The following PROM1 variants were observed in gnomAD, a reference collection of about 807,000 sequenced individuals.
PROM1 encodes the protein prominin-1.
Under a neutral mutation model 116.9 loss-of-function variants are expected in PROM1, and 105 were observed. The ratio of observed to expected loss-of-function variants is 0.90; its 90% CI spans 0.77 to 1.06. The LOEUF is 1.06. Among genes scored for constraint, PROM1 ranks in the 50% least tolerant of loss-of-function variants. The pLI, the probability that PROM1 is intolerant of heterozygous loss-of-function variation, is 0.00. For synonymous variants in PROM1, 393 were observed against 387.0 expected, an observed-to-expected ratio of 1.02 and a Z score of -0.18; for missense variants, 1,122 against 1,045.2, an observed-to-expected ratio of 1.07 and a Z score of -1.01.
intron 17 of PROM1, among the ~76,000 whole-genome samples, 166 bp downstream of exon 17, chr4:15,992,082 A>G (rs960578005): frequency 1.3e-5 from 2 of 152,126 alleles, no homozygotes; most frequent in Admixed American, 6.5e-5. Flanking sequence ...CTACAGAAGT[A>G]GTTGTGCAGC....
At position 15,980,553 on chromosome 4, in the gene PROM1, C is replaced by G; in HGVS notation, c.2374-16G>C. 1 of 1,437,212 alleles carries G rather than the reference C, an allele frequency of 7.0e-7. No homozygotes were observed. The highest frequency in any genetic ancestry group is 1.3e-5 in the South Asian group (1 of 78,506). 89.0% of individuals were successfully genotyped at this position (1,437,212 alleles called of 1,614,324 possible). A position where few individuals can be genotyped will look rare whatever the true frequency, so the allele number is the denominator to read the frequency against. ...AAAACAAATTCTAGGAAAAAAAAATCAGAAGAATTAAATGTTTGAAGATAA... is the reference window on the plus strand; with the variant it reads ...AAAACAAATTCTAGGAAAAAAAAATGAGAAGAATTAAATGTTTGAAGATAA... On this transcript the variant is annotated splice_polypyrimidine_tract_variant and intron_variant, in intron 23 of 27. Transcript: ENST00000447510.
intron 2 of PROM1, among the ~76,000 whole-genome samples, chr4:16,049,642 T>C (rs1275060549): frequency 6.6e-6 from 1 of 151,988 alleles, no homozygotes; most frequent in Non-Finnish European, 1.5e-5. Flanking sequence ...TTTCAGCATG[T>C]AGTGTTTGTC....
chr4:16,013,452 C>T (rs1578024806), intron 10 of PROM1, 114 bp from the exon 11 acceptor site: 4 of 707,702 alleles, frequency 5.7e-6, no homozygotes, highest in South Asian at 3.4e-5. Flanking sequence ...ATATAACATT[C>T]ATCTTAAGGG....
chr4:16,006,453 G>A (rs554794295), intron 13 of PROM1, 85 bp downstream of exon 13: 56 of 1,435,292 alleles, frequency 3.9e-5, no homozygotes, highest in East Asian at 1.3e-4. Context: ...CCCAGAGGGC[G>A]CCGGGTTCAT....
At chr4:16,057,250 A>G (rs1343116582) in intron 2 of PROM1, among the ~76,000 whole-genome samples, 1 of 152,198 alleles carries the variant, frequency 6.6e-6, no homozygotes, top group African/African-American at 2.4e-5. Flanking sequence ...CTGCTGTCCA[A>G]ATCTCATTAG....
chr4:16,019,159 G>A (rs905646221), intron 8 of PROM1, among the ~76,000 whole-genome samples: 6 of 152,156 alleles, frequency 3.9e-5, no homozygotes, highest in African/African-American at 1.4e-4. Context: ...AGATGAAAAT[G>A]CCTCAAAGGC....
chr4:16,029,838 T>C (rs1732236301), intron 5 of PROM1, among the ~76,000 whole-genome samples: 1 of 152,210 alleles, frequency 6.6e-6, no homozygotes, highest in South Asian at 2.1e-4. Flanking sequence ...GCAAAGATTA[T>C]TTCTCAATAG....
In PROM1 at chr4:15,969,146, TAGAC is replaced by T. The variant is rs1379314383; in HGVS notation, c.*243_*246del. ...AGTGTAAAAAAGTAAAAAACAAAAA[TAGAC>T]AGGAAGGGAGGGAGTCATCCTTGAA... On this transcript the variant is annotated 3_prime_UTR_variant, in exon 28 of 28. Transcript: ENST00000447510. The T allele has an allele frequency of 6.6e-6, 1 of 152,056 alleles. No homozygotes were observed. Among genetic ancestry groups the T allele is most frequent in the Non-Finnish European group, 1.5e-5 (1 of 67,996 alleles). 9.4% of individuals were successfully genotyped at this position (152,056 alleles called of 1,614,324 possible). A position where few individuals can be genotyped will look rare whatever the true frequency, so the allele number is the denominator to read the frequency against.
intron 5 of PROM1, among the ~76,000 whole-genome samples, chr4:16,030,896 A>C (rs1009780496): frequency 3.9e-5 from 6 of 152,038 alleles, no homozygotes; most frequent in African/African-American, 1.4e-4. Flanking sequence ...AAATACAAAA[A>C]TCTGCCGGGC....
intron 2 of PROM1, among the ~76,000 whole-genome samples, chr4:16,065,212 C>T (rs899490008): frequency 6.6e-6 from 1 of 152,138 alleles, no homozygotes; most frequent in Non-Finnish European, 1.5e-5. Context: ...ATGCCATATG[C>T]CTCCAAGCTA....
At chr4:16,014,482 GA>G (rs1727777641) in intron 10 of PROM1, among the ~76,000 whole-genome samples, 2 of 152,162 alleles carry the variant, frequency 1.3e-5, no homozygotes, top group African/African-American at 4.8e-5. Context: ...AAGAAATTTG[GA>G]ATAACTTGTT....
intron 2 of PROM1, among the ~76,000 whole-genome samples, chr4:16,065,469 C>T (rs574289666): frequency 6.8e-4 from 104 of 152,300 alleles, no homozygotes; most frequent in Non-Finnish European, 1.3e-3. Flanking sequence ...GCTGTGAACA[C>T]TATTCATACC....
intron 2 of PROM1, among the ~76,000 whole-genome samples, chr4:16,047,231 G>A (rs531075841): frequency 1.3e-5 from 2 of 151,926 alleles, no homozygotes; most frequent in South Asian, 4.2e-4. Flanking sequence ...TTGAGAGAGA[G>A]AGAGTCTCTG....
At chr4:16,042,882 C>T (rs531436797) in intron 2 of PROM1, among the ~76,000 whole-genome samples, 1 of 152,286 alleles carries the variant, frequency 6.6e-6, no homozygotes, top group South Asian at 2.1e-4. Flanking sequence ...AACCCAGATA[C>T]AGATATGAAA....
chr4:16,015,046 T>C (rs1340790522), intron 10 of PROM1, among the ~76,000 whole-genome samples: 1 of 150,400 alleles, frequency 6.6e-6, no homozygotes, highest in East Asian at 2.0e-4. Flanking sequence ...GAAAGGTCTG[T>C]TAAGAAGGTG....
At chr4:16,038,559 C>A (rs958075313) in intron 3 of PROM1, among the ~76,000 whole-genome samples, 3 of 152,070 alleles carry the variant, frequency 2.0e-5, no homozygotes, top group Admixed American at 1.3e-4. Flanking sequence ...AGTGCCACCA[C>A]GCCCGGCTAA....
In PROM1 at chr4:16,018,447, CT is replaced by C; in HGVS notation, c.877del (p.Ser293AlafsTer2). The C allele has an allele frequency of 6.2e-7, 1 of 1,613,736 alleles. No individual in the cohort carries two copies. The highest frequency in any genetic ancestry group is 8.5e-7 in the Non-Finnish European group (1 of 1,179,896). Reference protein sequence around the residue: ...QSTQLSSSLTSVKTSLRSSLN... With the variant: ...QSTQLSSSLTXVKTSLRSSLN... ...AGATGACCGCAGGCTAGTTTTCACG[CT>C]GGTCAGACTGCTGCTAAGCTGTGTA... On this transcript the variant is annotated frameshift_variant, in exon 9 of 28. Coordinates refer to ENST00000447510, the MANE Select transcript of PROM1 (RefSeq NM_006017.3). LOFTEE classifies it high-confidence loss of function.
chr4:16,039,915 C>T lies in PROM1; in HGVS notation c.221-914G>A, dbSNP rs552304263. On this transcript the variant is annotated intron_variant, in intron 2 of 27. Transcript: ENST00000447510. ...CCACCTCTTAACCCTGAGCAGCCAT[C>T]TAAGAATGATATGAGACAACTGAGA... is the stretch of plus-strand genomic sequence containing the variant. Among the ~76,000 whole-genome samples, 84 of 152,170 alleles carry T rather than the reference C, an allele frequency of 5.5e-4. 2 individuals are homozygous for T. The Middle Eastern group carries it at 0.01, about 18-fold the overall frequency.
intron 13 of PROM1, among the ~76,000 whole-genome samples, chr4:16,005,601 C>G (rs1250403061): frequency 6.6e-6 from 1 of 151,598 alleles, no homozygotes. Context: ...TAATGTACAG[C>G]ATCTGCTCTC....
Sources: allele counts gnomAD v4.1 joint callset (sites outside exome capture counted in the v4.1 genomes callset), GRCh38; gene constraint gnomAD v4.1.1; transcripts MANE v1.5; gene names NCBI Gene and HGNC (gene_info 2026-07-23, HGNC 2026-07-21).